The following LRRC4C variants were observed in gnomAD, a reference collection of about 807,000 sequenced individuals.
The protein encoded by LRRC4C is leucine rich repeat containing 4C, also known as leucine-rich repeat-containing protein 4C.
A neutral mutation model predicts 33.6 loss-of-function variants in LRRC4C; 5 were observed. The ratio of observed to expected loss-of-function variants is 0.15; its 90% CI spans 0.08 to 0.31. The LOEUF (loss-of-function observed/expected upper bound fraction) is 0.31, where lower values mean the gene tolerates loss of function less well. Ranked by LOEUF, LRRC4C falls within the 10% of genes least tolerant of loss-of-function variation. LRRC4C has a pLI of 1.00. For missense variants in LRRC4C, 560 were observed against 796.7 expected (o/e 0.70, Z 3.58); for synonymous variants, 329 against 302.0 (o/e 1.09, Z -0.93).
chr11:40,967,099 A>T (rs1851415694), intron 1 of LRRC4C, among the ~76,000 whole-genome samples: 1 of 152,004 alleles, frequency 6.6e-6, no homozygotes, highest in Non-Finnish European at 1.5e-5. Context: ...CACCAAATTT[A>T]GTTAGCTAAT....
chr11:40,667,673 G>A (rs1265785223), intron 2 of LRRC4C, among the ~76,000 whole-genome samples: 1 of 152,194 alleles, frequency 6.6e-6, no homozygotes, highest in Non-Finnish European at 1.5e-5. Flanking sequence ...GTGCCCTCTA[G>A]GAGCCCAGAG....
chr11:41,151,010 C>T (rs1194749311), intron 1 of LRRC4C, among the ~76,000 whole-genome samples: 1 of 151,688 alleles, frequency 6.6e-6, no homozygotes, highest in East Asian at 1.9e-4. Context: ...CCACCTGCTC[C>T]CTGCAACACA....
intron 1 of LRRC4C, among the ~76,000 whole-genome samples, chr11:41,384,538 G>C (rs143999052): frequency 6.6e-6 from 1 of 151,482 alleles, no homozygotes; most frequent in African/African-American, 2.4e-5. Context: ...ATTTCTCAAG[G>C]CATTACATAT....
At chr11:41,175,219 G>A (rs755492247) in intron 1 of LRRC4C, among the ~76,000 whole-genome samples, 3 of 152,118 alleles carry the variant, frequency 2.0e-5, no homozygotes, top group East Asian at 3.9e-4. Context: ...TGGCCTCAAG[G>A]CTTCTGGTCT....
chr11:41,170,800 C>A (rs1205032905), intron 1 of LRRC4C, among the ~76,000 whole-genome samples: 1 of 152,056 alleles, frequency 6.6e-6, no homozygotes, highest in Non-Finnish European at 1.5e-5. Context: ...AAGAAACAAC[C>A]ATCAGAGTGA....
chr11:41,435,605 G>T (rs1039274298), intron 1 of LRRC4C, among the ~76,000 whole-genome samples: 1 of 152,054 alleles, frequency 6.6e-6, no homozygotes, highest in Admixed American at 6.6e-5. Context: ...TATGTTCCTC[G>T]GAAACTTATG....
rs34560547 is a variant in LRRC4C, at chr11:41,444,806, AT to A, written c.-496+14624del. Among the ~76,000 whole-genome samples the A allele has an allele frequency of 1.6e-3, 240 of 146,568 alleles. 1 individual carries two copies. Among genetic ancestry groups the A allele is most frequent in the Middle Eastern group, 3.6e-3 (1 of 278 alleles). On this transcript the variant is annotated intron_variant, in intron 1 of 6. Transcript: ENST00000528697. ...GTATCAGGACAGGAAGTCTAACTTA[AT>A]TTTTTTTTTTTTTGAGATGGAATTT...
At chr11:40,663,960 A>G (rs900431962) in intron 2 of LRRC4C, among the ~76,000 whole-genome samples, 4 of 152,282 alleles carry the variant, frequency 2.6e-5, no homozygotes, top group African/African-American at 9.6e-5. Flanking sequence ...GCTAGTTCCA[A>G]TCTTCTTGAT....
intron 2 of LRRC4C, among the ~76,000 whole-genome samples, chr11:40,877,405 C>G (rs1340089616): frequency 1.3e-5 from 2 of 152,128 alleles, no homozygotes; most frequent in African/African-American, 4.8e-5. Flanking sequence ...ATATGCCACA[C>G]AAAACAAGCA....
intron 3 of LRRC4C, among the ~76,000 whole-genome samples, chr11:40,367,902 T>G (rs1469375286): frequency 1.3e-5 from 2 of 152,136 alleles, no homozygotes; most frequent in African/African-American, 4.8e-5. Context: ...TATTTATATA[T>G]GTTCCAGTCT....
intron 1 of LRRC4C, among the ~76,000 whole-genome samples, chr11:41,160,860 G>T (rs770078567): frequency 1.4e-4 from 21 of 152,100 alleles, no homozygotes; most frequent in Non-Finnish European, 2.9e-4. Context: ...CTGAAGCAAA[G>T]CAAGGAACAT....
chr11:40,877,584 CCT>C (rs1438749949), intron 2 of LRRC4C, among the ~76,000 whole-genome samples: 35 of 152,160 alleles, frequency 2.3e-4, no homozygotes, highest in African/African-American at 8.2e-4. Context: ...GGAACAGCAG[CCT>C]CTCCTAAAAT....
chr11:40,390,073 G>A (rs1286772958), intron 3 of LRRC4C, among the ~76,000 whole-genome samples: 1 of 152,094 alleles, frequency 6.6e-6, no homozygotes, highest in African/African-American at 2.4e-5. Context: ...TCTATTTATA[G>A]GGAGTTATCA....
intron 3 of LRRC4C, among the ~76,000 whole-genome samples, chr11:40,544,770 G>A (rs1041464489): frequency 6.6e-6 from 1 of 152,010 alleles, no homozygotes; most frequent in Non-Finnish European, 1.5e-5. Flanking sequence ...ATGCACATAT[G>A]TATGTCTTAA....
chr11:40,497,999 C>T (rs1954557340), intron 3 of LRRC4C, among the ~76,000 whole-genome samples: 1 of 152,166 alleles, frequency 6.6e-6, no homozygotes, highest in Admixed American at 6.5e-5. Flanking sequence ...CTACTCTTAA[C>T]ACTTATGTAA....
At chr11:40,203,421 G>A (rs1166156110) in intron 5 of LRRC4C, among the ~76,000 whole-genome samples, 1 of 152,132 alleles carries the variant, frequency 6.6e-6, no homozygotes, top group African/African-American at 2.4e-5. Flanking sequence ...AACAGGCTTT[G>A]TTGACTTTTA....
chr11:41,228,140 C>T (rs927297193), intron 1 of LRRC4C, among the ~76,000 whole-genome samples: 1 of 152,012 alleles, frequency 6.6e-6, no homozygotes, highest in African/African-American at 2.4e-5. Context: ...ATCTTTCTAT[C>T]TATGTTATTT....
chr11:41,370,956 T>C (rs1952725393), intron 1 of LRRC4C, among the ~76,000 whole-genome samples: 1 of 152,226 alleles, frequency 6.6e-6, no homozygotes, highest in Admixed American at 6.5e-5. Context: ...GTCTTGCTAC[T>C]CACTTACTAA....
At chr11:41,399,322 G>T (rs774171106) in intron 1 of LRRC4C, among the ~76,000 whole-genome samples, 2 of 151,920 alleles carry the variant, frequency 1.3e-5, no homozygotes, top group Non-Finnish European at 2.9e-5. Flanking sequence ...GCAACTTTTT[G>T]TTAGAAGTAT....
Sources: gnomAD v4.1 joint callset for allele counts (sites outside exome capture counted in the v4.1 genomes callset) on GRCh38, gnomAD v4.1.1 for gene constraint, MANE v1.5 for transcripts, NCBI Gene and HGNC (gene_info 2026-07-23, HGNC 2026-07-21) for gene names.